Variants in PARD3 observed in about 807,000 individuals in gnomAD.
PARD3 encodes the protein par-3 family cell polarity regulator.
Under a neutral mutation model 155.4 loss-of-function variants are expected in PARD3, and 75 were observed. The ratio of observed to expected loss-of-function variants is 0.48; its 90% CI spans 0.40 to 0.58. The LOEUF (loss-of-function observed/expected upper bound fraction) is 0.58, where lower values mean the gene tolerates loss of function less well. Among genes scored for constraint, PARD3 ranks in the 20% least tolerant of loss-of-function variants. PARD3 has a pLI of 0.00. For synonymous variants in PARD3, 576 were observed against 610.5 expected (o/e 0.94, Z 0.83); for missense variants, 1,642 against 1,721.7 (o/e 0.95, Z 0.82).
intron 12 of PARD3, among the ~76,000 whole-genome samples, chr10:34,367,421 T>C (rs1410690786): frequency 2.6e-5 from 4 of 152,314 alleles, no homozygotes; most frequent in Non-Finnish European, 5.9e-5. Flanking sequence ...ATGTCCTCCT[T>C]CTGGCCAGGC....
intron 2 of PARD3, among the ~76,000 whole-genome samples, chr10:34,547,560 T>C (rs1440219935): frequency 6.6e-6 from 1 of 152,192 alleles, no homozygotes; most frequent in Non-Finnish European, 1.5e-5. Flanking sequence ...AAATGACATG[T>C]TTAACTTTAA....
At chr10:34,633,437 G>A (rs1590325652) in intron 2 of PARD3, among the ~76,000 whole-genome samples, 1 of 151,384 alleles carries the variant, frequency 6.6e-6, no homozygotes, top group East Asian at 1.9e-4. Context: ...CGTGAAAACA[G>A]GCAGTATTTG....
intron 2 of PARD3, among the ~76,000 whole-genome samples, chr10:34,561,432 ACTG>A (rs1265622182): frequency 9.2e-5 from 14 of 152,158 alleles, no homozygotes; most frequent in Non-Finnish European, 2.9e-5. Flanking sequence ...ATTCATTAAA[ACTG>A]GGTACAGCAG....
At chr10:34,707,649 C>A (rs748940926) in intron 1 of PARD3, among the ~76,000 whole-genome samples, 1 of 152,158 alleles carries the variant, frequency 6.6e-6, no homozygotes, top group South Asian at 2.1e-4. Flanking sequence ...ATCCAAACTT[C>A]GGAAATCAAA....
chr10:34,370,418 A>G (rs546947037), intron 12 of PARD3, among the ~76,000 whole-genome samples: 1 of 152,222 alleles, frequency 6.6e-6, no homozygotes, highest in South Asian at 2.1e-4. Context: ...CCTCAACACG[A>G]CTGACTACAT....
intron 21 of PARD3, among the ~76,000 whole-genome samples, chr10:34,281,986 T>C (rs1027384443): frequency 6.6e-6 from 1 of 151,964 alleles, no homozygotes; most frequent in Non-Finnish European, 1.5e-5. Flanking sequence ...TATTGATTAC[T>C]CCAGTCAAAA....
At chr10:34,244,063 T>G (rs917186874) in intron 22 of PARD3, among the ~76,000 whole-genome samples, 1 of 152,190 alleles carries the variant, frequency 6.6e-6, no homozygotes, top group African/African-American at 2.4e-5. Context: ...AAATTCCTTG[T>G]CAGTATTAGT....
chr10:34,648,104 A>C (rs901909251), intron 2 of PARD3, among the ~76,000 whole-genome samples: 2 of 152,244 alleles, frequency 1.3e-5, no homozygotes, highest in African/African-American at 4.8e-5. Flanking sequence ...TGCGGCCTGC[A>C]CATGAGTCTG....
rs1231336373 is a variant in PARD3, at chr10:34,359,284, C to T, written c.1930G>A (p.Ala644Thr). 6 of 1,613,764 alleles carry T rather than the reference C, an allele frequency of 3.7e-6. No homozygotes were observed. The highest frequency in any genetic ancestry group is 1.3e-5 in the African/African-American group (1 of 74,862). ...GRLRVNDQLI[A>T]VNGESLLGKT... ...CCCAACAGGGATTCTCCATTTACTGCTATCAGTTGATCATTCACCCGAAGC... is the reference window on the plus strand; with the variant it reads ...CCCAACAGGGATTCTCCATTTACTGTTATCAGTTGATCATTCACCCGAAGC... Residue 644 changes from alanine to threonine, a missense_variant, in exon 14 of 25, where the codon GCA becomes ACA. This residue lies in a region of PARD3 where 1,529 missense variants were observed against 1,587.3 expected (regional missense o/e 0.96). Transcript: ENST00000374788.
intron 23 of PARD3, among the ~76,000 whole-genome samples, chr10:34,120,695 C>G (rs1377340279): frequency 6.6e-6 from 1 of 152,130 alleles, no homozygotes; most frequent in Non-Finnish European, 1.5e-5. Context: ...ATCAAAAGAA[C>G]AAACCCAAAA....
chr10:34,594,749 TG>T (rs2089085762), intron 2 of PARD3, among the ~76,000 whole-genome samples: 1 of 152,140 alleles, frequency 6.6e-6, no homozygotes, highest in African/African-American at 2.4e-5. Context: ...GAGGATCACT[TG>T]TGCCCAGAGA....
chr10:34,585,547 C>T (rs1354709617), intron 2 of PARD3, among the ~76,000 whole-genome samples: 6 of 143,098 alleles, frequency 4.2e-5, no homozygotes, highest in Non-Finnish European at 6.1e-5. Context: ...CTTTTTCTTT[C>T]TTTTTTTTTT....
At chr10:34,459,311 C>T (rs978369958) in intron 4 of PARD3, among the ~76,000 whole-genome samples, 3 of 152,082 alleles carry the variant, frequency 2.0e-5, no homozygotes, top group Non-Finnish European at 4.4e-5. Flanking sequence ...GGACTACAGG[C>T]GCCCACCACC....
At chr10:34,727,670 G>C (rs1039334437) in intron 1 of PARD3, among the ~76,000 whole-genome samples, 3 of 151,760 alleles carry the variant, frequency 2.0e-5, no homozygotes, top group African/African-American at 7.3e-5. Flanking sequence ...TTCTGCTCCC[G>C]GTCTCTCATC....
chr10:34,723,054 T>C (rs575693245), intron 1 of PARD3, among the ~76,000 whole-genome samples: 2 of 152,226 alleles, frequency 1.3e-5, no homozygotes, highest in East Asian at 1.9e-4. Context: ...TACAAAAATA[T>C]ATATATTGGC....
At chr10:34,469,879 C>T (rs562419176) in intron 4 of PARD3, among the ~76,000 whole-genome samples, 1 of 152,166 alleles carries the variant, frequency 6.6e-6, no homozygotes, top group Non-Finnish European at 1.5e-5. Flanking sequence ...ACACCATACA[C>T]GGCACTGATT....
rs556638347 is a variant in PARD3 at position 34,756,443 on chromosome 10, G to T, written c.120+58433C>A. ...GCTGGGATTACAGGCTTGAGCCACC[G>T]CGCCCAGCCAATGCACCTTTTTTTT... On this transcript the variant is annotated intron_variant, in intron 1 of 24. Transcript: ENST00000374788. Among the ~76,000 whole-genome samples the T allele has an allele frequency of 3.6e-3, 463 of 129,012 alleles. 2 individuals carry two copies. Among genetic ancestry groups the T allele is most frequent in the Non-Finnish European group, 5.8e-3 (369 of 63,300 alleles). 84.6% of individuals were successfully genotyped at this position (129,012 alleles called of 152,430 possible).
In PARD3 at chr10:34,792,277, G is replaced by A. The variant is rs115376365; in HGVS notation, c.120+22599C>T. Among the ~76,000 whole-genome samples the A allele has an allele frequency of 1.2e-3, 178 of 152,194 alleles. 1 individual carries two copies. Among genetic ancestry groups the A allele is most frequent in the African/African-American group, 4.1e-3 (172 of 41,544 alleles). On this transcript the variant is annotated intron_variant, in intron 1 of 24. Transcript: ENST00000374788. ...TTCCCTGTAGGAAGAAAAGTACAAG[G>A]TCTCGCTGTGTTGCCCCGGCAGGTC... is the stretch of plus-strand genomic sequence containing the variant.
At chr10:34,620,365 T>G (rs1206545331) in intron 2 of PARD3, among the ~76,000 whole-genome samples, 1 of 152,174 alleles carries the variant, frequency 6.6e-6, no homozygotes, top group Non-Finnish European at 1.5e-5. Flanking sequence ...TTTTGTGATG[T>G]AGGAAGTGTC....
Sources: allele counts gnomAD v4.1 joint callset (sites outside exome capture counted in the v4.1 genomes callset), GRCh38; gene constraint gnomAD v4.1.1; regional missense constraint gnomAD v4.1.1; transcripts MANE v1.5; gene names NCBI Gene and HGNC (gene_info 2026-07-23, HGNC 2026-07-21).